The following TACR1 variants were observed in gnomAD, a reference collection of about 807,000 sequenced individuals.
TACR1 encodes substance-P receptor.
TACR1 carries 25 observed loss-of-function variants against 35.8 expected under a neutral mutation model. The observed-to-expected ratio is 0.70, with a 90% CI of 0.51 to 0.98. The LOEUF (loss-of-function observed/expected upper bound fraction) is 0.98. Ranked by LOEUF, TACR1 falls within the 50% of genes least tolerant of loss-of-function variation. TACR1 has a pLI of 0.00. For missense variants in TACR1, 478 were observed against 522.9 expected, an observed-to-expected ratio of 0.91 and a Z score of 0.84; for synonymous variants, 195 against 206.7, an observed-to-expected ratio of 0.94 and a Z score of 0.48.
At chr2:75,152,770 C>T (rs1362722379) in intron 1 of TACR1, among the ~76,000 whole-genome samples, 1 of 152,120 alleles carries the variant, frequency 6.6e-6, no homozygotes, top group Non-Finnish European at 1.5e-5. Flanking sequence ...CAATGCATTC[C>T]CATTAGAGAA....
At chr2:75,154,500 ACACACACACACACACACACACACACACT>A in intron 1 of TACR1, 1 of 132,282 alleles carries the variant, frequency 7.6e-6, no homozygotes, top group African/African-American at 3.1e-5. Context: ...ACACACACAC[ACACACACACACACACACACACACACACT>A]CTCTGAAGAA....
chr2:75,154,524 ACACTCT>A (rs1558572656), intron 1 of TACR1: 1 of 140,576 alleles, frequency 7.1e-6, no homozygotes, highest in Non-Finnish European at 1.5e-5. Context: ...ACACACACAC[ACACTCT>A]CTGAAGAAAC....
chr2:75,123,207 C>T (rs1674005929), intron 1 of TACR1, among the ~76,000 whole-genome samples: 1 of 88,608 alleles, frequency 1.1e-5, no homozygotes, highest in Non-Finnish European at 2.5e-5. Flanking sequence ...TGCATAGTTC[C>T]TACCCTCACT....
At chr2:75,113,584 G>T (rs1673796806) in intron 2 of TACR1, among the ~76,000 whole-genome samples, 1 of 143,538 alleles carries the variant, frequency 7.0e-6, no homozygotes, top group African/African-American at 2.7e-5. Context: ...TTCTGTCTGG[G>T]AGTCAAGGTT....
chr2:75,162,697 G>A (rs1048020737), intron 1 of TACR1, among the ~76,000 whole-genome samples: 8 of 152,094 alleles, frequency 5.3e-5, no homozygotes, highest in East Asian at 1.9e-4. Flanking sequence ...GCAATTTTTT[G>A]TGCAGTATTT....
rs7423099 is a variant in TACR1, at chr2:75,085,221, C to G, written c.585-31466G>C. Among the ~76,000 whole-genome samples the G allele has an allele frequency of 8.5e-5, 13 of 152,232 alleles. No homozygotes were observed. In the South Asian group the frequency reaches 2.3e-3, roughly 27 times the overall value. ...ACAAGGTCCAAAGAAGTTTGCCTGT[C>G]AGAAGCTGATTTTATCCCCCTTACT... On this transcript the variant is annotated intron_variant, in intron 2 of 4. Transcript: ENST00000305249.
At chr2:75,188,884 A>G (rs950595789) in intron 1 of TACR1, 1 of 152,206 alleles carries the variant, frequency 6.6e-6, no homozygotes, top group Non-Finnish European at 1.5e-5. Flanking sequence ...ACATACTACA[A>G]TATTTTTGAT....
At chr2:75,072,487 C>A (rs1037351480) in intron 2 of TACR1, among the ~76,000 whole-genome samples, 1 of 152,214 alleles carries the variant, frequency 6.6e-6, no homozygotes, top group Non-Finnish European at 1.5e-5. Flanking sequence ...TGGGGATCGT[C>A]CATGAGAGCA....
chr2:75,154,767 C>T (rs558534556), intron 1 of TACR1, among the ~76,000 whole-genome samples: 1 of 151,980 alleles, frequency 6.6e-6, no homozygotes, highest in African/African-American at 2.4e-5. Flanking sequence ...GTCTATCTAC[C>T]CTGCATCCCT....
intron 4 of TACR1, 148 bp downstream of exon 4, chr2:75,051,103 C>G (rs1672456105): frequency 1.0e-6 from 1 of 987,758 alleles, no homozygotes; most frequent in African/African-American, 1.6e-5. Flanking sequence ...ATCAGCCAGG[C>G]TGAGTTGTGT....
At chr2:75,155,170 C>T (rs1017141595) in intron 1 of TACR1, among the ~76,000 whole-genome samples, 1 of 141,962 alleles carries the variant, frequency 7.0e-6, no homozygotes, top group African/African-American at 3.2e-5. Flanking sequence ...GCATCTTTGC[C>T]CCATCCTCAA....
In TACR1 at chr2:75,049,456, G is replaced by T; in HGVS notation, c.1200C>A (p.Ser400Arg). ...SDSKTMTESFSFSSNVLS is the reference protein window; with the variant it reads ...SDSKTMTESFRFSSNVLS ...CCTAGGAGAGCACATTGGAGGAGAA[G>T]CTGAAGCTCTCTGTCATGGTCTTGG... is the stretch of plus-strand genomic sequence containing the variant. Residue 400 changes from serine (S) to arginine (R), a missense_variant, in exon 5 of 5, where the codon AGC becomes AGA. Coordinates refer to ENST00000305249, the MANE Select transcript of TACR1 (RefSeq NM_001058.4). 6.2e-7 allele frequency: 1 copy of T among 1,613,930 alleles called. No individual in the cohort carries two copies. Among genetic ancestry groups the T allele is most frequent in the Non-Finnish European group, 8.5e-7 (1 of 1,179,798 alleles).
intron 1 of TACR1, among the ~76,000 whole-genome samples, chr2:75,149,665 T>C (rs1405983165): frequency 1.3e-5 from 2 of 152,210 alleles, no homozygotes; most frequent in African/African-American, 2.4e-5. Flanking sequence ...TTTCTAAATA[T>C]ACAATCATGT....
chr2:75,088,984 A>G (rs1309658766), intron 2 of TACR1, among the ~76,000 whole-genome samples: 1 of 151,992 alleles, frequency 6.6e-6, no homozygotes, highest in African/African-American at 2.4e-5. Flanking sequence ...GAGAGCATCA[A>G]GCTCTCTTGG....
At position 75,085,945 on chromosome 2, in the gene TACR1, G is replaced by A. The variant is rs527880097; in HGVS notation, c.585-32190C>T. 2.6e-5 allele frequency among the ~76,000 whole-genome samples: 4 copies of A among 152,154 alleles called. No individual in the cohort carries two copies. In the East Asian group the frequency reaches 5.8e-4, roughly 22 times the overall value. ...TAGAGAAGCTATTGTATGTGACACC[G>A]TAGATTAGTTGGCACTACCCAGTAT... On this transcript the variant is annotated intron_variant, in intron 2 of 4. Transcript: ENST00000305249.
chr2:75,165,392 C>A (rs1675114068), intron 1 of TACR1, among the ~76,000 whole-genome samples: 1 of 151,890 alleles, frequency 6.6e-6, no homozygotes, highest in Non-Finnish European at 1.5e-5. Context: ...TCACTGCAAG[C>A]TCGCCTCCAG....
intron 2 of TACR1, among the ~76,000 whole-genome samples, chr2:75,109,499 G>A (rs1673710747): frequency 6.6e-6 from 1 of 152,206 alleles, no homozygotes. Flanking sequence ...GATGTTTGCT[G>A]AAGCTAATGT....
chr2:75,140,614 C>T (rs1470469128), intron 1 of TACR1, among the ~76,000 whole-genome samples: 1 of 152,204 alleles, frequency 6.6e-6, no homozygotes, highest in Non-Finnish European at 1.5e-5. Flanking sequence ...AAGAAGCCCT[C>T]CTTGAGGCCT....
Position 75,070,399 on chromosome 2 carries a change from A to G in TACR1, c.585-16644T>C, listed in dbSNP as rs1027225752. Among the ~76,000 whole-genome samples the G allele has an allele frequency of 3.3e-5, 5 of 152,322 alleles. No individual in the cohort carries two copies. In the South Asian group the frequency reaches 1.0e-3, roughly 32 times the overall value. ...TATTGGAGAATAAAAACCACCATCT[A>G]GATGCTGGGTGGTACAGAGCCTTGT... On this transcript the variant is annotated intron_variant, in intron 2 of 4. Transcript: ENST00000305249.
Sources: gnomAD v4.1 joint callset for allele counts (sites outside exome capture counted in the v4.1 genomes callset) on GRCh38, gnomAD v4.1.1 for gene constraint, MANE v1.5 for transcripts, NCBI Gene and HGNC (gene_info 2026-07-23, HGNC 2026-07-21) for gene names.